The following RNF32 variants were observed in gnomAD, a reference collection of about 807,000 sequenced individuals.
RNF32 encodes the protein ring finger protein 32.
RNF32 carries 36 observed loss-of-function variants against 41.0 expected under a neutral mutation model. The ratio of observed to expected loss-of-function variants is 0.88; its 90% confidence interval spans 0.67 to 1.16. The LOEUF (loss-of-function observed/expected upper bound fraction) is 1.16. Ranked by LOEUF, RNF32 falls within the 50% of genes most tolerant of loss-of-function variation. The pLI is 0.00. For synonymous variants in RNF32, 154 were observed against 160.9 expected (o/e 0.96, Z 0.32); for missense variants, 413 against 436.7 (o/e 0.95, Z 0.48).
intron 7 of RNF32, chr7:156,658,786 C>A: frequency 2.0e-6 from 2 of 989,896 alleles, no homozygotes; most frequent in South Asian, 1.5e-5. Context: ...CTAGTTAAAT[C>A]ATAAAATTAG....
At chr7:156,657,517 G>A (rs765462437) in intron 4 of RNF32, 24 bp from the exon 5 acceptor site, 91 of 1,613,454 alleles carry the variant, frequency 5.6e-5, no homozygotes, top group Admixed American at 3.8e-4. Context: ...AAACTTCAAC[G>A]TCGTTCTGTT....
Position 156,643,103 on chromosome 7 carries a change from A to G in RNF32, c.-77-698A>G, listed in dbSNP as rs188044844. On this transcript the variant is annotated intron_variant, in intron 1 of 8. Transcript: ENST00000317955. ...AATAACAAGAGTAAGTTCTGTGTGAAAAGACCTACTTTAGATACTTCAAAG... is the reference window on the plus strand; with the variant it reads ...AATAACAAGAGTAAGTTCTGTGTGAGAAGACCTACTTTAGATACTTCAAAG... The G allele has an allele frequency of 2.6e-4, 40 of 152,352 alleles. 1 individual carries two copies. Among genetic ancestry groups the G allele is most frequent in the African/African-American group, 9.4e-4 (39 of 41,576 alleles). The allele number at this position is 152,352 out of a possible 1,614,324, so 9.4% of individuals were successfully genotyped here.
At position 156,670,282 on chromosome 7, in the gene RNF32, T is replaced by C. The variant is rs1173178095; in HGVS notation, c.685-5414T>C. 6.6e-6 allele frequency among the ~76,000 whole-genome samples: 1 copy of C among 152,218 alleles called. No individual in the cohort carries two copies. The highest frequency in any genetic ancestry group is 2.4e-5 in the African/African-American group (1 of 41,454). ...GGCTCTACTGTTTTGACTTTGGCTC[T>C]TGATACACACACATTCTAGTCAGGC... On this transcript the variant is annotated intron_variant, in intron 7 of 8. Coordinates refer to ENST00000317955, the MANE Select transcript of RNF32 (RefSeq NM_030936.4). This position sits in a 1 kb window ranked among gnomAD's most constrained non-coding sequence, Gnocchi z 4.3.
At chr7:156,643,095 C>G (rs1409773824) in intron 1 of RNF32, 2 of 152,180 alleles carry the variant, frequency 1.3e-5, no homozygotes, top group Non-Finnish European at 1.5e-5. Context: ...AGAGTAAGTT[C>G]TGTGTGAAAA....
At chr7:156,654,483 A>T in intron 3 of RNF32, 93 bp from the exon 4 acceptor site, 1 of 1,081,532 alleles carries the variant, frequency 9.2e-7, no homozygotes, top group Non-Finnish European at 1.3e-6. Context: ...GTAGTTCTTT[A>T]ATCTTTGTTT....
At chr7:156,644,833 T>A in intron 3 of RNF32, 76 bp downstream of exon 3, 2 of 1,413,788 alleles carry the variant, frequency 1.4e-6, no homozygotes, top group African/African-American at 1.5e-5. Context: ...TATAATTTTT[T>A]ATGTTACAGA....
At position 156,643,835 on chromosome 7, in the gene RNF32, A is replaced by G; in HGVS notation, c.-43A>G. ...AGAAGGAAGGTGATAGGATGTGATG[A>G]TAGAATTTGTGATAGCCAAGCAACA... On this transcript the variant is annotated 5_prime_UTR_variant, in exon 2 of 9. Transcript: ENST00000317955. The G allele has an allele frequency of 6.3e-7, 1 of 1,591,270 alleles. No individual in the cohort carries two copies. The highest frequency in any genetic ancestry group is 8.6e-7 in the Non-Finnish European group (1 of 1,159,344).
chr7:156,659,597 AGATTT>A, intron 7 of RNF32: 3 of 941,788 alleles, frequency 3.2e-6, no homozygotes, highest in African/African-American at 3.5e-5. Flanking sequence ...TTTTAATTAC[AGATTT>A]GATAGTCATT....
chr7:156,672,305 G>A (rs2131676385), intron 7 of RNF32, among the ~76,000 whole-genome samples: 1 of 152,232 alleles, frequency 6.6e-6, no homozygotes, highest in East Asian at 1.9e-4. Flanking sequence ...GACGACAGGT[G>A]CAAAACCCTT....
chr7:156,658,800 A>T, intron 7 of RNF32: 2 of 1,092,136 alleles, frequency 1.8e-6, no homozygotes, highest in Non-Finnish European at 2.7e-6. Flanking sequence ...AAATTAGGTT[A>T]AATCAAAGCA....
intron 3 of RNF32, among the ~76,000 whole-genome samples, chr7:156,647,644 C>A (rs977462111): frequency 1.3e-5 from 2 of 152,144 alleles, no homozygotes; most frequent in African/African-American, 4.8e-5. Flanking sequence ...AATAAACATA[C>A]GTATGCATGC....
upstream of RNF32, chr7:156,640,570 G>T (rs764080260): frequency 1.0e-3 from 401 of 402,004 alleles, no homozygotes; most frequent in Non-Finnish European, 1.5e-3. Context: ...CGCGGGGCGG[G>T]GGCCGGCGAG....
Position 156,658,270 on chromosome 7 carries a change from G to A in RNF32, c.575+18G>A, listed in dbSNP as rs369448594. On this transcript the variant is annotated intron_variant, in intron 6 of 8. Coordinates refer to ENST00000317955, the MANE Select transcript of RNF32 (RefSeq NM_030936.4). ...GTGACCAGGTGAGGACGCCAGGCCCGTTTGGCGCTAAGCAGACACAGATCA... is the reference window on the plus strand; with the variant it reads ...GTGACCAGGTGAGGACGCCAGGCCCATTTGGCGCTAAGCAGACACAGATCA... 94 of 1,611,674 alleles carry A rather than the reference G, an allele frequency of 5.8e-5. No individual in the cohort carries two copies. In the African/African-American group the frequency reaches 9.2e-4, roughly 16 times the overall value.
intron 7 of RNF32, among the ~76,000 whole-genome samples, chr7:156,671,771 C>T (rs768332842): frequency 7.9e-5 from 12 of 150,952 alleles, no homozygotes; most frequent in Admixed American, 7.2e-4. Context: ...TTTATGTCCA[C>T]GTACTTGAAG....
At chr7:156,647,959 G>A (rs567814317) in intron 3 of RNF32, among the ~76,000 whole-genome samples, 1 of 151,830 alleles carries the variant, frequency 6.6e-6, no homozygotes, top group South Asian at 2.1e-4. Context: ...CATGTTTGTT[G>A]GCCATCTGCA....
intron 7 of RNF32, among the ~76,000 whole-genome samples, chr7:156,663,258 T>C (rs1385232986): frequency 6.6e-6 from 1 of 152,158 alleles, no homozygotes; most frequent in Non-Finnish European, 1.5e-5. Context: ...TAAAGAAAAC[T>C]AGGTTACTTA....
rs761116697 is a variant in RNF32 at position 156,658,267 on chromosome 7, C to T, written c.575+15C>T. 1 of 1,612,414 alleles carries T rather than the reference C, an allele frequency of 6.2e-7. No homozygotes were observed. The highest frequency in any genetic ancestry group is 1.1e-5 in the South Asian group (1 of 90,744). ...TGTGTGACCAGGTGAGGACGCCAGG[C>T]CCGTTTGGCGCTAAGCAGACACAGA... On this transcript the variant is annotated intron_variant, in intron 6 of 8. Transcript: ENST00000317955.
intron 3 of RNF32, chr7:156,646,513 T>C: frequency 7.7e-7 from 1 of 1,294,804 alleles, no homozygotes. Context: ...CTTAACTACA[T>C]CTGCAAAGAC....
intron 7 of RNF32, among the ~76,000 whole-genome samples, chr7:156,675,337 G>C (rs1803620496): frequency 6.6e-6 from 1 of 152,196 alleles, no homozygotes; most frequent in Non-Finnish European, 1.5e-5. Flanking sequence ...CCTCTCACAG[G>C]AGGGTCCTGT....
Sources: gnomAD v4.1 joint callset for allele counts (sites outside exome capture counted in the v4.1 genomes callset) on GRCh38, gnomAD v4.1.1 for gene constraint, Gnocchi (gnomAD v3.1) non-coding constraint, MANE v1.5 for transcripts, NCBI Gene and HGNC (gene_info 2026-07-23, HGNC 2026-07-21) for gene names.